Variants in PRICKLE2 observed in about 807,000 individuals in gnomAD.
PRICKLE2 encodes the protein prickle-like protein 2.
In PRICKLE2, 21 loss-of-function variants were observed where a neutral mutation model predicts 81.4. That is an observed-to-expected ratio of 0.26 (90% CI 0.18 to 0.37). PRICKLE2 has a LOEUF of 0.37. PRICKLE2 is among the 10% of genes least tolerant of loss of function. PRICKLE2 has a pLI of 1.00. For synonymous variants in PRICKLE2, 456 were observed against 421.5 expected (o/e 1.08, Z -1.00); for missense variants, 940 against 1,109.0 (o/e 0.85, Z 2.16).
intron 1 of PRICKLE2, among the ~76,000 whole-genome samples, chr3:64,217,899 A>G (rs1334124287): frequency 2.0e-5 from 3 of 152,206 alleles, no homozygotes; most frequent in Non-Finnish European, 4.4e-5. Flanking sequence ...CAAATATCAA[A>G]CTCAGATAAT....
intron 1 of PRICKLE2, among the ~76,000 whole-genome samples, chr3:64,224,360 C>A (rs1037328556): frequency 5.3e-5 from 8 of 152,180 alleles, no homozygotes; most frequent in Admixed American, 2.0e-4. Context: ...AGAAACCCAG[C>A]ATAGAGGGCA....
intron 2 of PRICKLE2, among the ~76,000 whole-genome samples, chr3:64,185,721 G>A (rs2078217154): frequency 6.6e-6 from 1 of 152,208 alleles, no homozygotes; most frequent in Admixed American, 6.5e-5. Flanking sequence ...TGGCATGGGA[G>A]GAAGCTTGCC....
intron 2 of PRICKLE2, among the ~76,000 whole-genome samples, chr3:64,172,615 C>T (rs1033871447): frequency 2.0e-5 from 3 of 152,140 alleles, no homozygotes; most frequent in Non-Finnish European, 4.4e-5. Flanking sequence ...AAGAGAGAGG[C>T]ACAGGCTGAA....
At chr3:64,131,419 G>A (rs765551379) in intron 7 of PRICKLE2, among the ~76,000 whole-genome samples, 3 of 152,194 alleles carry the variant, frequency 2.0e-5, no homozygotes, top group African/African-American at 4.8e-5. Context: ...AATATCCAAA[G>A]AGCCCTGATA....
At chr3:64,111,807 AC>A (rs773234128) in intron 7 of PRICKLE2, among the ~76,000 whole-genome samples, 12 of 152,188 alleles carry the variant, frequency 7.9e-5, no homozygotes, top group Non-Finnish European at 1.3e-4. Context: ...CTTCTAGGTT[AC>A]TGGCACTGCC....
rs2079011455 is a variant in PRICKLE2 at position 64,224,998 on chromosome 3, G to C, written c.-129C>G. On this transcript the variant is annotated 5_prime_UTR_variant, in exon 1 of 8. In the 5' UTR this introduces an upstream ATG that the reference lacks. Transcript: ENST00000638394. ...ATTGTCCCAGTTCACTTTCTCCCTG[G>C]ATCTGACTTCTAAGAACGCAAGCAG... is the stretch of plus-strand genomic sequence containing the variant. 2 of 985,174 alleles carry C rather than the reference G, an allele frequency of 2.0e-6. No homozygotes were observed. Among genetic ancestry groups the C allele is most frequent in the Non-Finnish European group, 2.4e-6 (2 of 830,002 alleles). 61.0% of individuals were successfully genotyped at this position (985,174 alleles called of 1,614,324 possible). A position where few individuals can be genotyped will look rare whatever the true frequency, so the allele number is the denominator to read the frequency against.
intron 2 of PRICKLE2, among the ~76,000 whole-genome samples, chr3:64,255,577 C>G (rs553850414): frequency 2.6e-4 from 40 of 152,302 alleles, no homozygotes; most frequent in African/African-American, 9.4e-4. Context: ...GGCCTCAGTT[C>G]AAATCCCAGT....
At chr3:64,221,690 G>A (rs2078957397) in intron 1 of PRICKLE2, among the ~76,000 whole-genome samples, 1 of 152,140 alleles carries the variant, frequency 6.6e-6, no homozygotes, top group African/African-American at 2.4e-5. Context: ...GGATCTTTAA[G>A]CACAAAAGAA....
chr3:64,112,007 C>A (rs2076855217), intron 7 of PRICKLE2, among the ~76,000 whole-genome samples: 1 of 152,214 alleles, frequency 6.6e-6, no homozygotes, highest in South Asian at 2.1e-4. Flanking sequence ...TATCCCAACA[C>A]ACACACACTT....
intron 1 of PRICKLE2, 134 bp from the exon 2 acceptor site, chr3:64,199,101 G>C (rs754534448): frequency 1.3e-4 from 103 of 771,974 alleles, no homozygotes; most frequent in Non-Finnish European, 2.0e-4. Context: ...CAAAGGCATC[G>C]CGAGCAGTGT....
intron 7 of PRICKLE2, among the ~76,000 whole-genome samples, chr3:64,120,929 C>A (rs924663823): frequency 6.6e-6 from 1 of 152,186 alleles, no homozygotes; most frequent in East Asian, 1.9e-4. Flanking sequence ...TCTCTGCCAA[C>A]AAACAACAAA....
chr3:64,258,844 A>AAAAAGAAAGAAAG, intron 2 of PRICKLE2, among the ~76,000 whole-genome samples: 1 of 84,172 alleles, frequency 1.2e-5, no homozygotes, highest in African/African-American at 4.4e-5. Context: ...AAAAAAAAAA[A>AAAAAGAAAGAAAG]AAAAGAAAGA....
intron 2 of PRICKLE2, among the ~76,000 whole-genome samples, chr3:64,252,138 C>T (rs749395219): frequency 3.9e-5 from 6 of 152,180 alleles, no homozygotes; most frequent in Non-Finnish European, 2.9e-5. Flanking sequence ...ATAATCTACA[C>T]CCATAGTTTC....
rs34605013 is a variant in PRICKLE2, at chr3:64,143,950, A to ATTT, written c.1660+2877_1660+2879dup. Among the ~76,000 whole-genome samples the ATTT allele has an allele frequency of 8.1e-3, 1,163 of 143,310 alleles. 6 individuals are homozygous for ATTT. The highest frequency in any genetic ancestry group is 0.013 in the Non-Finnish European group (874 of 65,952). 94.0% of individuals were successfully genotyped at this position (143,310 alleles called of 152,430 possible). A position where few individuals can be genotyped will look rare whatever the true frequency, so the allele number is the denominator to read the frequency against. On this transcript the variant is annotated intron_variant, in intron 7 of 7. Transcript: ENST00000638394. Reference sequence around the variant, plus strand: ...CAAGGCGCTTAGTCACCAAGGCCTCATTTTTTTTTTTTTTTTCCATCTGAA... The same window carrying ATTT: ...CAAGGCGCTTAGTCACCAAGGCCTCATTTTTTTTTTTTTTTTTTTCCATCTGAA...
At chr3:64,263,058 C>A (rs1318563498) in intron 2 of PRICKLE2, among the ~76,000 whole-genome samples, 1 of 152,132 alleles carries the variant, frequency 6.6e-6, no homozygotes, top group Non-Finnish European at 1.5e-5. Flanking sequence ...CTTCTCATAG[C>A]CTTTGAATTG....
chr3:64,260,687 CT>C (rs1277084830), intron 2 of PRICKLE2, among the ~76,000 whole-genome samples: 1 of 152,146 alleles, frequency 6.6e-6, no homozygotes, highest in Non-Finnish European at 1.5e-5. Context: ...TTTTTTTCCA[CT>C]TTTAGAATAC....
chr3:64,194,777 C>G (rs551091018), intron 2 of PRICKLE2, among the ~76,000 whole-genome samples: 3 of 152,116 alleles, frequency 2.0e-5, no homozygotes, highest in African/African-American at 7.2e-5. Context: ...GTCTTCAGAC[C>G]AGGCGTGGTG....
At chr3:64,120,093 A>G (rs561298839) in intron 7 of PRICKLE2, among the ~76,000 whole-genome samples, 20 of 152,258 alleles carry the variant, frequency 1.3e-4, no homozygotes, top group African/African-American at 4.8e-4. Context: ...TTGAAAATCT[A>G]ACTATTGGGT....
At chr3:64,151,619 T>G (rs1445545904) in intron 6 of PRICKLE2, among the ~76,000 whole-genome samples, 1 of 152,164 alleles carries the variant, frequency 6.6e-6, no homozygotes, top group Non-Finnish European at 1.5e-5. Flanking sequence ...TCTGCACACA[T>G]GGCCCCTCTC....
Sources: allele counts gnomAD v4.1 joint callset (sites outside exome capture counted in the v4.1 genomes callset), GRCh38; gene constraint gnomAD v4.1.1; transcripts MANE v1.5; gene names NCBI Gene and HGNC (gene_info 2026-07-23, HGNC 2026-07-21).